Variants in GUSB observed in about 807,000 individuals in gnomAD.
GUSB encodes glucuronidase beta.
In GUSB, 51 loss-of-function variants were observed where a neutral mutation model predicts 74.6. The observed-to-expected ratio is 0.68, with a 90% confidence interval of 0.55 to 0.86. The LOEUF (loss-of-function observed/expected upper bound fraction) is 0.86, where lower values mean the gene tolerates loss of function less well. Ranked by LOEUF, GUSB falls within the 40% of genes least tolerant of loss-of-function variation. The pLI is 0.00. For synonymous variants in GUSB, 360 were observed against 348.3 expected (o/e 1.03, Z -0.37); for missense variants, 736 against 853.7 (o/e 0.86, Z 1.72).
intron 11 of GUSB, 62 bp from the exon 12 acceptor site, chr7:65,961,125 C>T: frequency 6.7e-7 from 1 of 1,487,792 alleles, no homozygotes. Flanking sequence ...CAAGTTAGAA[C>T]CAGTCTGGAG....
chr7:65,965,749 T>A (rs1413953708), intron 10 of GUSB, among the ~76,000 whole-genome samples: 2 of 152,152 alleles, frequency 1.3e-5, no homozygotes, highest in Non-Finnish European at 2.9e-5. Flanking sequence ...GGTCTCAAAC[T>A]CCTGGGCTCA....
intron 4 of GUSB, among the ~76,000 whole-genome samples, chr7:65,978,321 G>A (rs1205372106): frequency 1.3e-5 from 2 of 152,022 alleles, no homozygotes; most frequent in African/African-American, 4.8e-5. Context: ...GGTGGCACAC[G>A]CCTGTAATCC....
chr7:65,981,907 G>T (rs1792052886), intron 1 of GUSB, 67 bp downstream of exon 1: 2 of 1,355,762 alleles, frequency 1.5e-6, no homozygotes, highest in Non-Finnish European at 1.0e-6. Flanking sequence ...GTCTGCGGGG[G>T]GCCCGGGCTC....
chr7:65,982,167 G>C lies in GUSB; in HGVS notation c.17C>G (p.Ala6Gly). The C allele has an allele frequency of 6.6e-7, 1 of 1,515,468 alleles. No individual in the cohort carries two copies. Among genetic ancestry groups the C allele is most frequent in the Non-Finnish European group, 8.8e-7 (1 of 1,131,264 alleles). The allele number at this position is 1,515,468 out of a possible 1,614,324, so 93.9% of individuals were successfully genotyped here. ...CGGCCCGAGCGCCGCCCAGGCAACCGCCGACCCCCGGGCCATGCTTCCCGG... is the reference window on the plus strand; with the variant it reads ...CGGCCCGAGCGCCGCCCAGGCAACCCCCGACCCCCGGGCCATGCTTCCCGG... Reference protein sequence around the residue: MARGSAVAWAALGPLL... With the variant: MARGSGVAWAALGPLL... Residue 6 changes from alanine (A) to glycine (G), a missense_variant, in exon 1 of 12, where the codon GCG becomes GGG. Ala to Gly is a moderately conservative substitution (Grantham distance 60, BLOSUM62 0). Around this residue, in one of 2 missense-constraint regions of GUSB, gnomAD observed 368 missense variants for 363.8 expected, o/e 1.01. Coordinates refer to ENST00000304895, the MANE Select transcript of GUSB (RefSeq NM_000181.4).
chr7:65,962,844 C>T (rs1790587232), intron 11 of GUSB, among the ~76,000 whole-genome samples: 1 of 151,080 alleles, frequency 6.6e-6, no homozygotes, highest in Admixed American at 6.6e-5. Context: ...TGCACTCCAG[C>T]CTGGGAAACG....
At position 65,980,223 on chromosome 7, in the gene GUSB, C is replaced by A; in HGVS notation, c.396+1G>T. ...CCCTGCCTGCTCCTGGCCGCACTGACCACGATGGCATAGGAATGGGCACTG... is the reference window on the plus strand; with the variant it reads ...CCCTGCCTGCTCCTGGCCGCACTGAACACGATGGCATAGGAATGGGCACTG... On this transcript the variant is annotated splice_donor_variant, in intron 2 of 11. Coordinates refer to ENST00000304895, the MANE Select transcript of GUSB (RefSeq NM_000181.4). LOFTEE classifies it high-confidence loss of function. 1 of 1,577,526 alleles carries A rather than the reference C, an allele frequency of 6.3e-7. No homozygotes were observed. Among genetic ancestry groups the A allele is most frequent in the South Asian group, 1.1e-5 (1 of 88,788 alleles).
chr7:65,978,279 C>T (rs1333670456), intron 4 of GUSB, among the ~76,000 whole-genome samples: 3 of 152,028 alleles, frequency 2.0e-5, no homozygotes, highest in Non-Finnish European at 4.4e-5. Context: ...GAAACCCCAT[C>T]TCTACTAAAA....
At chr7:65,980,084 G>A (rs1791892316) in intron 2 of GUSB, 140 bp downstream of exon 2, 5 of 990,776 alleles carry the variant, frequency 5.0e-6, no homozygotes, top group Non-Finnish European at 4.6e-6. Flanking sequence ...CCTATACAGG[G>A]CACAGCCCCC....
chr7:65,981,785 C>G, intron 1 of GUSB, 189 bp downstream of exon 1: 1 of 568,490 alleles, frequency 1.8e-6, no homozygotes, highest in Non-Finnish European at 3.1e-6. Context: ...CTGCCTAATC[C>G]GCCCCGGCCC....
chr7:65,964,116 T>C (rs1210673699), intron 11 of GUSB: 1 of 615,170 alleles, frequency 1.6e-6, no homozygotes, highest in Non-Finnish European at 3.0e-6. Context: ...TTTTTGACCG[T>C]ATTTGGGAGG....
chr7:65,968,875 C>A (rs556482350), intron 9 of GUSB, among the ~76,000 whole-genome samples: 2 of 152,146 alleles, frequency 1.3e-5, no homozygotes, highest in Non-Finnish European at 2.9e-5. Flanking sequence ...GTGTAAGCCA[C>A]CATGCCCGGC....
chr7:65,981,901 G>T, intron 1 of GUSB, 73 bp downstream of exon 1: 3 of 1,320,350 alleles, frequency 2.3e-6, no homozygotes, highest in Non-Finnish European at 3.1e-6. Flanking sequence ...GAAGAAGTCT[G>T]CGGGGGGCCC....
intron 11 of GUSB, among the ~76,000 whole-genome samples, chr7:65,961,442 C>T (rs1257138291): frequency 6.6e-6 from 1 of 152,184 alleles, no homozygotes; most frequent in Non-Finnish European, 1.5e-5. Context: ...GCCAAATGTC[C>T]TCTTACAGTT....
At position 65,967,879 on chromosome 7, in the gene GUSB, T is replaced by C; in HGVS notation, c.1505A>G (p.Asn502Ser). ...GAPYVDVICL[N>S]SYYSWYHDYG... ...GTCGTGATACCAAGAGTAGTAGCTG[T>C]TCAAACAGATCACATCCACATACGG... The change falls in exon 10 of 12, where the codon AAC becomes AGC. Residue 502 changes from asparagine to serine, a missense_variant. Physicochemically the swap from Asn to Ser is conservative, Grantham distance 46. Transcript: ENST00000304895. 1 of 1,602,664 alleles carries C rather than the reference T, an allele frequency of 6.2e-7. No individual in the cohort carries two copies. Among genetic ancestry groups the C allele is most frequent in the South Asian group, 1.1e-5 (1 of 91,080 alleles).
At position 65,964,860 on chromosome 7, in the gene GUSB, G is replaced by C. The variant is rs565254126; in HGVS notation, c.1654-402C>G. On this transcript the variant is annotated intron_variant, in intron 10 of 11. Coordinates refer to ENST00000304895, the MANE Select transcript of GUSB (RefSeq NM_000181.4). Reference sequence around the variant, plus strand: ...GAGGTGGGAGGACTGCTTGAGCCCAGGTGTTCAAGACCAGCCTGGGCAACA... The same window carrying C: ...GAGGTGGGAGGACTGCTTGAGCCCACGTGTTCAAGACCAGCCTGGGCAACA... Among the ~76,000 whole-genome samples the C allele has an allele frequency of 3.3e-5, 5 of 151,660 alleles. No individual in the cohort carries two copies. The East Asian group carries it at 9.7e-4, about 29-fold the overall frequency.
At position 65,977,870 on chromosome 7, in the gene GUSB, A is replaced by T. The variant is rs141018786; in HGVS notation, c.724+1529T>A. On this transcript the variant is annotated intron_variant, in intron 4 of 11. Coordinates refer to ENST00000304895, the MANE Select transcript of GUSB (RefSeq NM_000181.4). Reference sequence around the variant, plus strand: ...CTGTCCCCTAGGCTGGAGTGCAGTGATGCAATCTCAGCTCACTGCAAGCTC... The same window carrying T: ...CTGTCCCCTAGGCTGGAGTGCAGTGTTGCAATCTCAGCTCACTGCAAGCTC... Among the ~76,000 whole-genome samples the T allele has an allele frequency of 4.1e-3, 619 of 152,022 alleles. 6 individuals carry two copies. The highest frequency in any genetic ancestry group is 0.014 in the African/African-American group (593 of 41,526).
rs192156180 is a variant in GUSB, at chr7:65,967,658, G to A, written c.1653+73C>T. 40 of 1,270,012 alleles carry A rather than the reference G, an allele frequency of 3.1e-5. No individual in the cohort carries two copies. In the African/African-American group the frequency reaches 5.1e-4, roughly 16 times the overall value. 78.7% of individuals were successfully genotyped at this position (1,270,012 alleles called of 1,614,324 possible). A position where few individuals can be genotyped will look rare whatever the true frequency, so the allele number is the denominator to read the frequency against. On this transcript the variant is annotated intron_variant, in intron 10 of 11. Coordinates refer to ENST00000304895, the MANE Select transcript of GUSB (RefSeq NM_000181.4). The stretch of plus-strand genomic sequence containing the variant: ...CGAGGGGAGCAGTGCAGTGGGCGCA[G>A]GTCAGGCTGGAGGAGGTGAGTGACA...
intron 5 of GUSB, 70 bp from the exon 6 acceptor site, chr7:65,975,141 G>T: frequency 7.0e-7 from 1 of 1,438,490 alleles, no homozygotes; most frequent in South Asian, 1.1e-5. Flanking sequence ...CCCTCCAGCA[G>T]GAAGGCCCCT....
chr7:65,979,871 T>C lies in GUSB; in HGVS notation c.437A>G (p.Tyr146Cys). ...GCTGATGTCGGCCTCGAAGGGGAGG[T>C]AGCCCCCCTCATGCTCTAGCGTGTC... ...GVDTLEHEGG[Y>C]LPFEADISNL... is the part of the protein sequence containing the mutation. The change falls in exon 3 of 12, where the codon TAC (tyrosine) becomes TGC (cysteine). Residue 146 changes from tyrosine (Y) to cysteine (C), a missense_variant. By Grantham distance (194) the Tyr-to-Cys change is radical. Coordinates refer to ENST00000304895, the MANE Select transcript of GUSB (RefSeq NM_000181.4). The C allele has an allele frequency of 6.2e-7, 1 of 1,611,688 alleles. No individual in the cohort carries two copies. The highest frequency in any genetic ancestry group is 8.5e-7 in the Non-Finnish European group (1 of 1,179,520).
Sources: allele counts gnomAD v4.1 joint callset (sites outside exome capture counted in the v4.1 genomes callset), GRCh38; gene constraint gnomAD v4.1.1; regional missense constraint gnomAD v4.1.1; transcripts MANE v1.5; gene names NCBI Gene and HGNC (gene_info 2026-07-23, HGNC 2026-07-21).